Variants in ABCC9 observed in about 807,000 individuals in gnomAD.
The protein encoded by ABCC9 is ATP-binding cassette sub-family C member 9.
A neutral mutation model predicts 188.3 loss-of-function variants in ABCC9; 95 were observed. The observed-to-expected ratio is 0.50, with a 90% confidence interval of 0.43 to 0.60. The LOEUF is 0.60. Ranked by LOEUF, ABCC9 falls within the 20% of genes least tolerant of loss-of-function variation. The probability of loss-of-function intolerance (pLI) is 0.00; values close to 1 mark genes in which losing one functional copy is unlikely to be tolerated. For missense variants in ABCC9, 1,102 were observed against 1,876.3 expected (o/e 0.59, Z 7.62); for synonymous variants, 659 against 652.7 (o/e 1.01, Z -0.15).
chr12:21,865,231 A>G (rs1162196844), intron 18 of ABCC9, among the ~76,000 whole-genome samples: 1 of 152,246 alleles, frequency 6.6e-6, no homozygotes, highest in Non-Finnish European at 1.5e-5. Flanking sequence ...AATTGATTCT[A>G]TTTGACTTTG....
In ABCC9 at chr12:21,805,305, C is replaced by T. The variant is rs876657737; in HGVS notation, c.4512+693G>A. 2.5e-6 allele frequency: 4 copies of T among 1,613,692 alleles called. No homozygotes were observed. In the African/African-American group the frequency reaches 4.0e-5, roughly 16 times the overall value. On this transcript the variant is annotated intron_variant, in intron 39 of 39. Coordinates refer to ENST00000261200, the MANE Select transcript of ABCC9 (RefSeq NM_020297.4). The stretch of plus-strand genomic sequence containing the variant: ...AGGCCTGCATCCATAATAGAAGAGA[C>T]ACGGTGCTGGAGAGAAAAATAGAAA...
At chr12:21,900,138 A>G (rs1036361140) in intron 12 of ABCC9, among the ~76,000 whole-genome samples, 2 of 152,248 alleles carry the variant, frequency 1.3e-5, no homozygotes, top group South Asian at 4.1e-4. Flanking sequence ...AGGCAGCAAC[A>G]TTTGCTGTTC....
chr12:21,845,551 T>A, intron 26 of ABCC9, 52 bp downstream of exon 26: 1 of 1,435,490 alleles, frequency 7.0e-7, no homozygotes, highest in Non-Finnish European at 9.8e-7. Context: ...GGTATCACTG[T>A]TAATCTCAAT....
intron 5 of ABCC9, among the ~76,000 whole-genome samples, chr12:21,922,396 GATGA>G (rs1381893951): frequency 6.6e-6 from 1 of 151,962 alleles, no homozygotes; most frequent in Non-Finnish European, 1.5e-5. Flanking sequence ...ACTTGATCAT[GATGA>G]ATGATCTTTT....
At chr12:21,835,599 C>T (rs2418013) in intron 30 of ABCC9, among the ~76,000 whole-genome samples, 152,278 of 152,278 alleles carry the variant, frequency 1, 76,139 homozygotes, top group Non-Finnish European at 1. Context: ...AGGACCAGCT[C>T]TGTTTAATGA....
At chr12:21,893,707 A>T (rs748974663) in intron 14 of ABCC9, among the ~76,000 whole-genome samples, 2 of 152,190 alleles carry the variant, frequency 1.3e-5, no homozygotes, top group Non-Finnish European at 2.9e-5. Context: ...TTAAAAGGTA[A>T]TTGTTAAATA....
In ABCC9 at chr12:21,798,946, A is replaced by T. The variant is rs1178784971; in HGVS notation, c.*2098T>A. The T allele has an allele frequency of 6.7e-6, 1 of 150,252 alleles. No homozygotes were observed. Among genetic ancestry groups the T allele is most frequent in the Non-Finnish European group, 1.5e-5 (1 of 67,764 alleles). 9.3% of individuals were successfully genotyped at this position (150,252 alleles called of 1,614,324 possible). A position where few individuals can be genotyped will look rare whatever the true frequency, so the allele number is the denominator to read the frequency against. Reference sequence around the variant, plus strand: ...AAAATGATGAGTTCATGTCCTTTGTAGGGACATGGATGAAACTGGAAACCA... The same window carrying T: ...AAAATGATGAGTTCATGTCCTTTGTTGGGACATGGATGAAACTGGAAACCA... On this transcript the variant is annotated 3_prime_UTR_variant, in exon 40 of 40. Transcript: ENST00000261200.
At chr12:21,928,933 G>A (rs1312043369) in intron 4 of ABCC9, among the ~76,000 whole-genome samples, 1 of 151,990 alleles carries the variant, frequency 6.6e-6, no homozygotes, top group African/African-American at 2.4e-5. Flanking sequence ...TGGTAGGAGC[G>A]CTTATGTCCC....
In ABCC9 at chr12:21,818,201, A is replaced by G; in HGVS notation, c.3720T>C (p.Ser1240=). Reference sequence around the variant, plus strand: ...CTACCAATCCAGAATTCGAAGACCCACTAATGGATGCTATAGATGCAGTGA... The same window carrying G: ...CTACCAATCCAGAATTCGAAGACCCGCTAATGGATGCTATAGATGCAGTGA... The part of the protein sequence containing the change: ...IVLTASIASI[S]GSSNSGLVGL... Residue 1240 remains serine (S), a synonymous_variant, in exon 32 of 40, where the codon AGT becomes AGC. Transcript: ENST00000261200. 1.9e-6 allele frequency: 3 copies of G among 1,614,008 alleles called. No individual in the cohort carries two copies. The highest frequency in any genetic ancestry group is 2.2e-5 in the South Asian group (2 of 91,084).
Position 21,900,089 on chromosome 12 carries a change from C to T in ABCC9, c.1619-4774G>A, listed in dbSNP as rs376580134. Reference sequence around the variant, plus strand: ...GGGGCAGACTGACACCTCACACGGCCGGGTACCCCTCTGAGACGAAGCTTC... The same window carrying T: ...GGGGCAGACTGACACCTCACACGGCTGGGTACCCCTCTGAGACGAAGCTTC... On this transcript the variant is annotated intron_variant, in intron 12 of 39. Transcript: ENST00000261200. 1.5e-3 allele frequency among the ~76,000 whole-genome samples: 231 copies of T among 152,256 alleles called. 1 individual carries two copies. Among genetic ancestry groups the T allele is most frequent in the Middle Eastern group, 3.4e-3 (1 of 294 alleles).
At chr12:21,926,176 G>A (rs1949037827) in intron 4 of ABCC9, 113 bp from the exon 5 acceptor site, 1 of 1,391,362 alleles carries the variant, frequency 7.2e-7, no homozygotes, top group African/African-American at 1.4e-5. Flanking sequence ...TTAAAATACA[G>A]AATGCAATAG....
intron 18 of ABCC9, among the ~76,000 whole-genome samples, chr12:21,867,279 C>T (rs926725069): frequency 6.6e-6 from 1 of 152,118 alleles, no homozygotes; most frequent in Non-Finnish European, 1.5e-5. Context: ...TATAATTTCT[C>T]TTCCAAAATA....
At chr12:21,808,778 CAAAAAAAAAAA>C (rs34314026) in intron 37 of ABCC9, among the ~76,000 whole-genome samples, 1 of 80,496 alleles carries the variant, frequency 1.2e-5, no homozygotes, top group South Asian at 3.7e-4. Flanking sequence ...GAACTTGTCT[CAAAAAAAAAAA>C]AAAAAAAAAA....
At chr12:21,885,124 T>C (rs895081236) in intron 15 of ABCC9, among the ~76,000 whole-genome samples, 2 of 152,194 alleles carry the variant, frequency 1.3e-5, no homozygotes, top group African/African-American at 4.8e-5. Flanking sequence ...CCCTAGACTG[T>C]CACTAATTCT....
At position 21,892,593 on chromosome 12, in the gene ABCC9, G is replaced by T. The variant is rs562239525; in HGVS notation, c.1802+1439C>A. Among the ~76,000 whole-genome samples, 11 of 152,268 alleles carry T rather than the reference G, an allele frequency of 7.2e-5. No homozygotes were observed. In the South Asian group the frequency reaches 2.3e-3, roughly 32 times the overall value. On this transcript the variant is annotated intron_variant, in intron 14 of 39. Transcript: ENST00000261200. Reference sequence around the variant, plus strand: ...AAGGCAGAACAATAAGAAAATGAGGGCAGATGTGGCCAGAAGGCTTGAGCT... The same window carrying T: ...AAGGCAGAACAATAAGAAAATGAGGTCAGATGTGGCCAGAAGGCTTGAGCT...
At chr12:21,847,552 G>T (rs2137408989) in intron 25 of ABCC9, among the ~76,000 whole-genome samples, 1 of 152,074 alleles carries the variant, frequency 6.6e-6, no homozygotes, top group Non-Finnish European at 1.5e-5. Context: ...CTTAAAAGGT[G>T]GTTTATCTCA....
At chr12:21,855,246 G>T (rs1945160734) in intron 22 of ABCC9, among the ~76,000 whole-genome samples, 1 of 152,082 alleles carries the variant, frequency 6.6e-6, no homozygotes, top group African/African-American at 2.4e-5. Flanking sequence ...TTGAGATGGA[G>T]TCTCACTCTG....
chr12:21,915,280 A>ATG lies in ABCC9; in HGVS notation c.816+386_816+387dup, dbSNP rs1565480522. 1.1e-3 allele frequency among the ~76,000 whole-genome samples: 7 copies of ATG among 6,394 alleles called. No individual in the cohort carries two copies. In the South Asian group the frequency reaches 0.19, roughly 176 times the overall value. 4.2% of individuals were successfully genotyped at this position (6,394 alleles called of 152,430 possible). A position where few individuals can be genotyped will look rare whatever the true frequency, so the allele number is the denominator to read the frequency against. ...GTGTGTGTATATAATGTGTATATAT[A>ATG]TGTGTGTATATATACATGTGTATAT... is the stretch of plus-strand genomic sequence containing the variant. On this transcript the variant is annotated intron_variant, in intron 7 of 39. Coordinates refer to ENST00000261200, the MANE Select transcript of ABCC9 (RefSeq NM_020297.4).
At chr12:21,920,648 A>G (rs1474624571) in intron 5 of ABCC9, among the ~76,000 whole-genome samples, 1 of 152,024 alleles carries the variant, frequency 6.6e-6, no homozygotes, top group Non-Finnish European at 1.5e-5. Flanking sequence ...GCTATCAAAT[A>G]CTAGGTCTTA....
Sources: gnomAD v4.1 joint callset for allele counts (sites outside exome capture counted in the v4.1 genomes callset) on GRCh38, gnomAD v4.1.1 for gene constraint, MANE v1.5 for transcripts, NCBI Gene and HGNC (gene_info 2026-07-23, HGNC 2026-07-21) for gene names.